Variants in DLEU7 observed in about 807,000 individuals in gnomAD.
The protein encoded by DLEU7 is deleted in lymphocytic leukemia 7.
DLEU7 carries 17 observed loss-of-function variants against 16.0 expected under a neutral mutation model. The observed-to-expected ratio is 1.06, with a 90% CI of 0.73 to 1.59. DLEU7 has a LOEUF of 1.59. DLEU7 is among the 40% of genes most tolerant of loss of function. The probability of loss-of-function intolerance (pLI) is 0.00; values close to 1 mark genes in which losing one functional copy is unlikely to be tolerated. For synonymous variants in DLEU7, 113 were observed against 139.8 expected (o/e 0.81, Z 1.35); for missense variants, 308 against 314.9 (o/e 0.98, Z 0.17).
At chr13:50,727,043 T>A (rs1225876195) in intron 1 of DLEU7, among the ~76,000 whole-genome samples, 1 of 152,196 alleles carries the variant, frequency 6.6e-6, no homozygotes, top group Non-Finnish European at 1.5e-5. Context: ...TGCCCAGCAA[T>A]GTGAGACAAA....
chr13:50,770,531 A>ATG (rs1491533802), intron 1 of DLEU7, among the ~76,000 whole-genome samples: 1 of 152,260 alleles, frequency 6.6e-6, no homozygotes, highest in East Asian at 1.9e-4. Flanking sequence ...TGAGATAATC[A>ATG]TGTGGTTTTT....
intron 1 of DLEU7, among the ~76,000 whole-genome samples, chr13:50,835,408 C>T (rs1477982564): frequency 6.6e-6 from 1 of 152,136 alleles, no homozygotes; most frequent in Admixed American, 6.5e-5. Context: ...GAACAAAATG[C>T]CTACAAGTGA....
intron 1 of DLEU7, among the ~76,000 whole-genome samples, chr13:50,720,664 A>C (rs564318519): frequency 6.1e-4 from 93 of 152,332 alleles, no homozygotes; most frequent in Non-Finnish European, 1.2e-3. Context: ...ATGTGGGACC[A>C]CTTTCTCACT....
chr13:50,825,978 T>A (rs1877070249), intron 1 of DLEU7, among the ~76,000 whole-genome samples: 2 of 151,588 alleles, frequency 1.3e-5, no homozygotes, highest in South Asian at 4.2e-4. Flanking sequence ...TCATTTACAT[T>A]AGGTATATCT....
chr13:50,803,655 TTAAA>T (rs1380874070), intron 1 of DLEU7, among the ~76,000 whole-genome samples: 13 of 152,166 alleles, frequency 8.5e-5, no homozygotes, highest in African/African-American at 2.2e-4. Context: ...ATATGACAAA[TTAAA>T]TAAAACATAT....
intron 1 of DLEU7, among the ~76,000 whole-genome samples, chr13:50,771,433 A>G (rs1875306741): frequency 6.6e-6 from 1 of 152,168 alleles, no homozygotes; most frequent in Non-Finnish European, 1.5e-5. Context: ...ACAGTGCTTT[A>G]AATCTGTCCC....
In DLEU7 at chr13:50,843,293, G is replaced by A; in HGVS notation, c.354C>T (p.Arg118=). 1 of 1,560,076 alleles carries A rather than the reference G, an allele frequency of 6.4e-7. No homozygotes were observed. The change falls in exon 1 of 2, where the codon CGC becomes CGT. Residue 118 remains arginine, a synonymous_variant. Coordinates refer to ENST00000504404, the MANE Select transcript of DLEU7 (RefSeq NM_001306135.2). The surrounding 1 kb of genome is among the most constrained non-coding windows in gnomAD (Gnocchi z 5.7). ...AGTCCACCACGCGGGCCAGCGCGCT[G>A]CGCATCGCCATCTGGGCCAGGGTGC... The part of the protein sequence containing the change: ...GPCTLAQMAM[R]SALARVVDST...
intron 1 of DLEU7, among the ~76,000 whole-genome samples, chr13:50,775,366 C>A (rs1875463103): frequency 6.6e-6 from 1 of 152,112 alleles, no homozygotes; most frequent in Admixed American, 6.6e-5. Context: ...TAGTCCTGAG[C>A]CTTAAGGTAT....
chr13:50,822,214 A>G (rs936103964), downstream of DLEU7, among the ~76,000 whole-genome samples: 5 of 152,190 alleles, frequency 3.3e-5, no homozygotes, highest in African/African-American at 1.2e-4. Context: ...TCTGGAAGAA[A>G]ACATTTAGAA....
At chr13:50,724,338 CT>C (rs1267301444) in intron 1 of DLEU7, among the ~76,000 whole-genome samples, 4 of 151,922 alleles carry the variant, frequency 2.6e-5, no homozygotes, top group Non-Finnish European at 5.9e-5. Context: ...TTACTTTTTT[CT>C]TTTGTGAATG....
At chr13:50,790,215 G>A (rs936067586) in intron 1 of DLEU7, among the ~76,000 whole-genome samples, 1 of 151,900 alleles carries the variant, frequency 6.6e-6, no homozygotes, top group African/African-American at 2.4e-5. Context: ...TTACAGGCGT[G>A]AGCCACCACA....
At chr13:50,782,239 A>G (rs1418830368) in intron 1 of DLEU7, among the ~76,000 whole-genome samples, 1 of 152,182 alleles carries the variant, frequency 6.6e-6, no homozygotes, top group East Asian at 1.9e-4. Flanking sequence ...TTGTAACTAG[A>G]CTTTAGTACA....
At position 50,787,616 on chromosome 13, in the gene DLEU7, T is replaced by G. The variant is rs961176373; in HGVS notation, c.459+55572A>C. Among the ~76,000 whole-genome samples, 4 of 152,056 alleles carry G rather than the reference T, an allele frequency of 2.6e-5. No homozygotes were observed. The East Asian group carries it at 7.7e-4, about 29-fold the overall frequency. On this transcript the variant is annotated intron_variant, in intron 1 of 1. Transcript: ENST00000400393. ...TGTGGAAACAGCTTCCTCACTGAGC[T>G]CCCTGCCCCCTGCTGTTCCTACTTT...
At chr13:50,816,259 G>A (rs1593407316) in intron 1 of DLEU7, among the ~76,000 whole-genome samples, 2 of 152,180 alleles carry the variant, frequency 1.3e-5, no homozygotes, top group East Asian at 3.9e-4. Flanking sequence ...TGCAAGGCAA[G>A]AAAATGGATA....
At chr13:50,722,355 A>T (rs1873645863) in intron 1 of DLEU7, among the ~76,000 whole-genome samples, 1 of 152,240 alleles carries the variant, frequency 6.6e-6, no homozygotes, top group South Asian at 2.1e-4. Flanking sequence ...GATAGCCATA[A>T]ACTTCTTCTC....
At chr13:50,744,319 C>G (rs1874330114) in intron 1 of DLEU7, among the ~76,000 whole-genome samples, 1 of 152,202 alleles carries the variant, frequency 6.6e-6, no homozygotes, top group South Asian at 2.1e-4. Context: ...CAGTTACTAT[C>G]TCTATGTTAT....
chr13:50,722,629 C>T, intron 1 of DLEU7, among the ~76,000 whole-genome samples: 1 of 152,152 alleles, frequency 6.6e-6, no homozygotes, highest in East Asian at 1.9e-4. Context: ...CTATTTAAAG[C>T]ACACTCAGCA....
intron 1 of DLEU7, among the ~76,000 whole-genome samples, chr13:50,842,581 A>G (rs1190686395): frequency 6.6e-6 from 1 of 152,164 alleles, no homozygotes; most frequent in African/African-American, 2.4e-5. Context: ...ACTTAGCAAG[A>G]GTTTAGCATT....
chr13:50,759,032 A>G (rs1251339086), intron 1 of DLEU7, among the ~76,000 whole-genome samples: 1 of 152,238 alleles, frequency 6.6e-6, no homozygotes, highest in African/African-American at 2.4e-5. Context: ...AGTGTCACTG[A>G]GATTCTTCAA....
Sources: gnomAD v4.1 joint callset for allele counts (sites outside exome capture counted in the v4.1 genomes callset) on GRCh38, gnomAD v4.1.1 for gene constraint, Gnocchi (gnomAD v3.1) non-coding constraint, MANE v1.5 for transcripts, NCBI Gene and HGNC (gene_info 2026-07-23, HGNC 2026-07-21) for gene names.